Variants in IQSEC1 observed in about 807,000 individuals in gnomAD.
The protein encoded by IQSEC1 is IQ motif and SEC7 domain-containing protein 1.
In IQSEC1, 31 loss-of-function variants were observed where a neutral mutation model predicts 91.0. The ratio of observed to expected loss-of-function variants is 0.34; its 90% confidence interval spans 0.26 to 0.46. IQSEC1 has a LOEUF of 0.46. IQSEC1 is among the 20% of genes least tolerant of loss of function. The pLI, the probability that IQSEC1 is intolerant of heterozygous loss-of-function variation, is 1.00. For missense variants in IQSEC1, 1,388 were observed against 1,575.6 expected, an observed-to-expected ratio of 0.88 and a Z score of 2.02; for synonymous variants, 699 against 662.6, an observed-to-expected ratio of 1.05 and a Z score of -0.84.
At position 12,994,732 on chromosome 3, in the gene IQSEC1, G is replaced by T. The variant is rs2125643183; in HGVS notation, c.24-52867C>A. ...CCACGCTCCTCCGCGTCCCCTCCAG[G>T]ACACACCCTCCTGACTGTTTGGGGA... On this transcript the variant is annotated intron_variant, in intron 1 of 13. Transcript: ENST00000613206. This position sits in a 1 kb window ranked among gnomAD's most constrained non-coding sequence, Gnocchi z 4.5. Among the ~76,000 whole-genome samples the T allele has an allele frequency of 6.6e-6, 1 of 152,236 alleles. No homozygotes were observed. The highest frequency in any genetic ancestry group is 2.1e-4 in the South Asian group (1 of 4,820).
At chr3:13,039,273 A>T (rs1170159570) in intron 1 of IQSEC1, among the ~76,000 whole-genome samples, 1 of 152,250 alleles carries the variant, frequency 6.6e-6, no homozygotes, top group Non-Finnish European at 1.5e-5. Context: ...TGCTAGTTGA[A>T]ATAAGCGGCT....
intron 2 of IQSEC1, among the ~76,000 whole-genome samples, chr3:13,125,544 G>A (rs58786464): frequency 0.092 from 14,017 of 152,274 alleles, 1,988 homozygotes; most frequent in African/African-American, 0.3. Flanking sequence ...GCAGTGTGGC[G>A]CTTGAGAACA....
intron 1 of IQSEC1, among the ~76,000 whole-genome samples, chr3:13,060,249 C>T (rs748302787): frequency 7.2e-5 from 11 of 152,076 alleles, no homozygotes; most frequent in Admixed American, 2.0e-4. Flanking sequence ...GAGAGTAAGG[C>T]GGGGAGGTGG....
intron 1 of IQSEC1, among the ~76,000 whole-genome samples, chr3:13,227,759 G>C (rs1206145237): frequency 6.6e-6 from 1 of 152,216 alleles, no homozygotes; most frequent in Non-Finnish European, 1.5e-5. Context: ...GGCTGACAGG[G>C]GGTTGTGGAG....
rs1290698207 is a variant in IQSEC1, at chr3:12,970,940, A to G, written c.24-29075T>C. On this transcript the variant is annotated intron_variant, in intron 1 of 13. Coordinates refer to ENST00000613206, the MANE Select transcript of IQSEC1 (RefSeq NM_001134382.3). This position sits in a 1 kb window ranked among gnomAD's most constrained non-coding sequence, Gnocchi z 4.4. ...GCCTGGTGCACAGAAGGTCTTCGACAGCTGAATACGCCAAAGGTTGGTAAA... is the reference window on the plus strand; with the variant it reads ...GCCTGGTGCACAGAAGGTCTTCGACGGCTGAATACGCCAAAGGTTGGTAAA... 6.6e-6 allele frequency among the ~76,000 whole-genome samples: 1 copy of G among 152,236 alleles called. No individual in the cohort carries two copies. Among genetic ancestry groups the G allele is most frequent in the Non-Finnish European group, 1.5e-5 (1 of 68,038 alleles).
At chr3:12,920,926 C>G (rs1056557571) in intron 5 of IQSEC1, among the ~76,000 whole-genome samples, 6 of 152,328 alleles carry the variant, frequency 3.9e-5, no homozygotes, top group Middle Eastern at 3.4e-3. Context: ...CTGGGCCCCT[C>G]TCCCCGCTGC....
Position 13,064,538 on chromosome 3 carries a change from T to C in IQSEC1, c.23+8454A>G, listed in dbSNP as rs116509532. On this transcript the variant is annotated intron_variant, in intron 1 of 13. Coordinates refer to ENST00000613206, the MANE Select transcript of IQSEC1 (RefSeq NM_001134382.3). ...GTGTGACAGCGACCACAAACCCAGA[T>C]GGATGCTGGAGTTCACTGGGCACTC... Among the ~76,000 whole-genome samples, 903 of 152,340 alleles carry C rather than the reference T, an allele frequency of 5.9e-3. 9 individuals are homozygous for C. Among genetic ancestry groups the C allele is most frequent in the African/African-American group, 0.021 (870 of 41,578 alleles).
chr3:13,239,722 C>T (rs369823617), intron 1 of IQSEC1, among the ~76,000 whole-genome samples: 49 of 152,386 alleles, frequency 3.2e-4, no homozygotes, highest in African/African-American at 1.1e-3. Context: ...CCACTGGACA[C>T]GTGGTACCAC....
intron 1 of IQSEC1, among the ~76,000 whole-genome samples, chr3:13,181,196 G>A (rs184147573): frequency 2.6e-5 from 4 of 152,308 alleles, no homozygotes; most frequent in East Asian, 3.9e-4. Flanking sequence ...GCGCAAACTC[G>A]GGAGGTGGAG....
At chr3:13,036,831 C>A (rs1704054748) in intron 1 of IQSEC1, among the ~76,000 whole-genome samples, 1 of 152,220 alleles carries the variant, frequency 6.6e-6, no homozygotes, top group Non-Finnish European at 1.5e-5. Flanking sequence ...ATCTGTGAAA[C>A]CTGCGCATCA....
At chr3:13,158,290 A>G (rs1257352576) in intron 2 of IQSEC1, among the ~76,000 whole-genome samples, 1 of 152,174 alleles carries the variant, frequency 6.6e-6, no homozygotes. Flanking sequence ...AGCTCTGTCT[A>G]CCTGGCACAG....
intron 12 of IQSEC1, among the ~76,000 whole-genome samples, chr3:12,907,063 A>C (rs1205097884): frequency 6.6e-6 from 1 of 152,196 alleles, no homozygotes; most frequent in Non-Finnish European, 1.5e-5. Context: ...AGAGGCCAGG[A>C]ATGCGAGTAA....
chr3:12,925,087 G>A (rs984595996), intron 3 of IQSEC1, among the ~76,000 whole-genome samples: 5 of 152,126 alleles, frequency 3.3e-5, no homozygotes, highest in Admixed American at 6.5e-5. Context: ...AGCTGGAGCT[G>A]GACCGTCACT....
intron 1 of IQSEC1, among the ~76,000 whole-genome samples, chr3:13,054,603 C>T (rs1489522834): frequency 6.6e-6 from 1 of 152,244 alleles, no homozygotes; most frequent in African/African-American, 2.4e-5. Flanking sequence ...GCCAGGTCCC[C>T]CAGGCTTACT....
At chr3:12,946,742 C>T (rs1202891381) in intron 1 of IQSEC1, among the ~76,000 whole-genome samples, 1 of 151,992 alleles carries the variant, frequency 6.6e-6, no homozygotes, top group African/African-American at 2.4e-5. Flanking sequence ...ATGATGTGGC[C>T]GAGAAGCCAG....
chr3:13,246,140 C>A (rs961118754), intron 1 of IQSEC1, among the ~76,000 whole-genome samples: 3 of 152,340 alleles, frequency 2.0e-5, no homozygotes, highest in Middle Eastern at 3.4e-3. Flanking sequence ...AATATACAAA[C>A]AAAATGCGGC....
intron 1 of IQSEC1, among the ~76,000 whole-genome samples, chr3:12,973,873 G>A (rs1467361892): frequency 6.6e-6 from 1 of 152,052 alleles, no homozygotes; most frequent in Non-Finnish European, 1.5e-5. Context: ...AGATCATGTG[G>A]GGACACATCC....
At chr3:13,263,430 G>GT (rs1264667822) in intron 1 of IQSEC1, among the ~76,000 whole-genome samples, 2 of 83,234 alleles carry the variant, frequency 2.4e-5, no homozygotes, top group East Asian at 4.7e-4. Context: ...TTTTTTTTGG[G>GT]GGGGGGGGGA....
At chr3:13,055,556 C>T (rs56120972) in intron 1 of IQSEC1, among the ~76,000 whole-genome samples, 8,305 of 152,278 alleles carry the variant, frequency 0.055, 228 homozygotes, top group South Asian at 0.076. Flanking sequence ...TGATCAGAGG[C>T]ATAACTCAAA....
Sources: gnomAD v4.1 joint callset for allele counts (sites outside exome capture counted in the v4.1 genomes callset) on GRCh38, gnomAD v4.1.1 for gene constraint, Gnocchi (gnomAD v3.1) non-coding constraint, MANE v1.5 for transcripts, NCBI Gene and HGNC (gene_info 2026-07-23, HGNC 2026-07-21) for gene names.